The following DGLUCY variants were observed in gnomAD, a reference collection of about 807,000 sequenced individuals.
DGLUCY encodes D-glutamate cyclase.
In DGLUCY, 58 loss-of-function variants were observed where a neutral mutation model predicts 58.5. That is an observed-to-expected ratio of 0.99 (90% CI 0.80 to 1.23). The LOEUF is 1.23. DGLUCY is among the 50% of genes most tolerant of loss of function. DGLUCY has a pLI of 0.00. For missense variants in DGLUCY, 779 were observed against 784.7 expected, an observed-to-expected ratio of 0.99 and a Z score of 0.09; for synonymous variants, 325 against 314.1, an observed-to-expected ratio of 1.03 and a Z score of -0.37.
chr14:91,168,362 C>G (rs2048395002), intron 4 of DGLUCY, among the ~76,000 whole-genome samples: 1 of 152,046 alleles, frequency 6.6e-6, no homozygotes, highest in African/African-American at 2.4e-5. Context: ...GGCCCCAGCT[C>G]AGTTTCTCCC....
chr14:91,206,096 T>C (rs1172025260), intron 12 of DGLUCY, among the ~76,000 whole-genome samples: 1 of 151,954 alleles, frequency 6.6e-6, no homozygotes, highest in East Asian at 1.9e-4. Context: ...CACCTTGGCC[T>C]CCCAAAGTGC....
intron 1 of DGLUCY, among the ~76,000 whole-genome samples, chr14:91,098,691 C>G (rs1595639770): frequency 2.0e-5 from 3 of 152,124 alleles, no homozygotes. Context: ...CAGGCCTGTC[C>G]TCTTGCCAAA....
At chr14:91,210,001 C>A (rs1438049799) in intron 12 of DGLUCY, among the ~76,000 whole-genome samples, 1 of 152,088 alleles carries the variant, frequency 6.6e-6, no homozygotes, top group African/African-American at 2.4e-5. Flanking sequence ...ACATAATACG[C>A]CAGGCACAAT....
intron 1 of DGLUCY, among the ~76,000 whole-genome samples, chr14:91,077,377 GGAAA>G (rs1242235617): frequency 1.4e-5 from 2 of 145,222 alleles, no homozygotes; most frequent in African/African-American, 2.6e-5. Context: ...GAGGAAGGAA[GGAAA>G]GGAAGGAAGG....
At chr14:91,078,068 G>A (rs376360821) in intron 1 of DGLUCY, among the ~76,000 whole-genome samples, 8 of 152,002 alleles carry the variant, frequency 5.3e-5, no homozygotes, top group South Asian at 4.2e-4. Context: ...CTGCTCTGTC[G>A]CCCAGGCTGG....
intron 1 of DGLUCY, among the ~76,000 whole-genome samples, chr14:91,142,678 G>C (rs1265311581): frequency 6.6e-6 from 1 of 151,970 alleles, no homozygotes; most frequent in Non-Finnish European, 1.5e-5. Context: ...TCTAATCGTA[G>C]CTGGCCACGG....
At chr14:91,121,807 A>T (rs1180785706) in intron 1 of DGLUCY, among the ~76,000 whole-genome samples, 2 of 152,122 alleles carry the variant, frequency 1.3e-5, no homozygotes, top group Non-Finnish European at 2.9e-5. Context: ...GGGGAAAAAA[A>T]TGACAAAAAC....
At chr14:91,060,641 C>G (rs1187990283) in exon 1 of DGLUCY, 3 of 584,154 alleles carry the variant, frequency 5.1e-6, no homozygotes, top group Non-Finnish European at 7.5e-6. Context: ...GCTAGTACCG[C>G]GCAACCAAAC....
upstream of DGLUCY, among the ~76,000 whole-genome samples, chr14:91,104,471 A>G (rs2044553707): frequency 6.6e-6 from 1 of 152,090 alleles, no homozygotes; most frequent in Non-Finnish European, 1.5e-5. Context: ...AGCCCCCCAC[A>G]ACATGGAATT....
chr14:91,141,993 G>A (rs945317790), intron 1 of DGLUCY, among the ~76,000 whole-genome samples: 2 of 152,106 alleles, frequency 1.3e-5, no homozygotes, highest in East Asian at 1.9e-4. Flanking sequence ...CTAGAGGTAC[G>A]TAGCATCACG....
chr14:91,158,775 A>T (rs143457723), intron 2 of DGLUCY: 298 of 152,178 alleles, frequency 2.0e-3, no homozygotes, highest in African/African-American at 6.3e-3. Context: ...TATGCTTTAG[A>T]GACCAACACA....
In DGLUCY at chr14:91,167,300, C is replaced by G; in HGVS notation, c.179C>G (p.Thr60Ser). 1 of 1,613,928 alleles carries G rather than the reference C, an allele frequency of 6.2e-7. No individual in the cohort carries two copies. The highest frequency in any genetic ancestry group is 8.5e-7 in the Non-Finnish European group (1 of 1,179,952). ...PAFERFCQVN[T>S]GPLPLLGQSE... ...TTTGAAAGATTCTGCCAGGTCAACA[C>G]TGGTCCTCTACCCCTGCTGGGCCAG... Residue 60 changes from threonine to serine, a missense_variant, in exon 4 of 14, where the codon ACT becomes AGT. Coordinates refer to ENST00000256324, the MANE Select transcript of DGLUCY (RefSeq NM_001102368.3).
At chr14:91,112,665 G>C (rs148571303), upstream of DGLUCY, among the ~76,000 whole-genome samples, 1 of 151,932 alleles carries the variant, frequency 6.6e-6, no homozygotes, top group East Asian at 1.9e-4. Flanking sequence ...GGAACAAGAT[G>C]CATGATAACA....
chr14:91,136,245 T>C (rs1307250522), intron 1 of DGLUCY, among the ~76,000 whole-genome samples: 3 of 152,018 alleles, frequency 2.0e-5, no homozygotes, highest in African/African-American at 7.2e-5. Context: ...ATTAGCATTT[T>C]TTATACTACA....
At chr14:91,062,696 C>T (rs558746615) in intron 1 of DGLUCY, among the ~76,000 whole-genome samples, 4 of 148,026 alleles carry the variant, frequency 2.7e-5, no homozygotes, top group Non-Finnish European at 5.9e-5. Flanking sequence ...CTCCTGGATT[C>T]GACTGCTGTG....
chr14:91,064,083 A>G (rs1356638138), intron 1 of DGLUCY, among the ~76,000 whole-genome samples: 1 of 152,250 alleles, frequency 6.6e-6, no homozygotes, highest in Non-Finnish European at 1.5e-5. Flanking sequence ...AAATGACACC[A>G]GTGTTTCTAG....
chr14:91,102,736 A>AGAGTGTGTGT (rs1555391094), intron 1 of DGLUCY, among the ~76,000 whole-genome samples: 1 of 60,736 alleles, frequency 1.6e-5, no homozygotes, highest in African/African-American at 5.0e-5. Context: ...GACCCCTTCC[A>AGAGTGTGTGT]GTGTGTATGT....
At chr14:91,209,077 G>A (rs994273434) in intron 12 of DGLUCY, among the ~76,000 whole-genome samples, 5 of 152,154 alleles carry the variant, frequency 3.3e-5, no homozygotes, top group African/African-American at 1.2e-4. Context: ...ACTTTGGGAG[G>A]CCGAGGTGGG....
chr14:91,115,024 T>C (rs958992378), intron 1 of DGLUCY: 3 of 152,304 alleles, frequency 2.0e-5, no homozygotes, highest in Non-Finnish European at 4.4e-5. Flanking sequence ...TTCTCTAGGA[T>C]TATCTGTACT....
Sources: gnomAD v4.1 joint callset for allele counts (sites outside exome capture counted in the v4.1 genomes callset) on GRCh38, gnomAD v4.1.1 for gene constraint, MANE v1.5 for transcripts, NCBI Gene and HGNC (gene_info 2026-07-23, HGNC 2026-07-21) for gene names.